The following INTS6 variants were observed in gnomAD, a reference collection of about 807,000 sequenced individuals.
INTS6 encodes the protein DEAD box protein.
In INTS6, 16 loss-of-function variants were observed where a neutral mutation model predicts 104.9. The ratio of observed to expected loss-of-function variants is 0.15; its 90% CI spans 0.10 to 0.23. The LOEUF (loss-of-function observed/expected upper bound fraction) is 0.23. INTS6 is among the 10% of genes least tolerant of loss of function. The pLI, the probability that INTS6 is intolerant of heterozygous loss-of-function variation, is 1.00. For synonymous variants in INTS6, 324 were observed against 358.7 expected (o/e 0.90, Z 1.09); for missense variants, 584 against 1,062.8 (o/e 0.55, Z 6.26).
Position 51,409,299 on chromosome 13 carries a change from T to G in INTS6, c.430-13816A>C, listed in dbSNP as rs141380190. On this transcript the variant is annotated intron_variant, in intron 4 of 17. Transcript: ENST00000311234. ...ATAATAATAATAATAATAATAATAA[T>G]AATAATAATAATAATAGTATAACTT... Among the ~76,000 whole-genome samples the G allele has an allele frequency of 8.7e-3, 1,275 of 147,218 alleles. 20 individuals carry two copies. The highest frequency in any genetic ancestry group is 0.029 in the African/African-American group (1,179 of 40,578).
At chr13:51,395,552 TAC>T in intron 4 of INTS6, 69 bp from the exon 5 acceptor site, 1 of 1,365,826 alleles carries the variant, frequency 7.3e-7, no homozygotes, top group Non-Finnish European at 9.9e-7. Flanking sequence ...CTACTTTAAT[TAC>T]ACTTACGTTA....
At chr13:51,396,033 G>A (rs557603918) in intron 4 of INTS6, among the ~76,000 whole-genome samples, 4 of 152,048 alleles carry the variant, frequency 2.6e-5, no homozygotes, top group African/African-American at 9.6e-5. Flanking sequence ...CCCGATCTCA[G>A]GTGACCCACA....
At chr13:51,393,084 T>G (rs1399393091) in intron 5 of INTS6, among the ~76,000 whole-genome samples, 2 of 151,206 alleles carry the variant, frequency 1.3e-5, no homozygotes, top group Non-Finnish European at 3.0e-5. Flanking sequence ...ATTTTTTTTT[T>G]TTTTTTTTTG....
chr13:51,414,807 A>G (rs1448030709), intron 4 of INTS6, among the ~76,000 whole-genome samples: 1 of 149,070 alleles, frequency 6.7e-6, no homozygotes, highest in African/African-American at 2.5e-5. Flanking sequence ...TCTTCCTTCT[A>G]TATATGTATG....
the INTS6 span, chr13:51,341,150 G>C: frequency 6.2e-7 from 1 of 1,613,950 alleles, no homozygotes; most frequent in Non-Finnish European, 8.5e-7. Flanking sequence ...CGAGCAAATG[G>C]CCACCTCCGT....
intron 12 of INTS6, among the ~76,000 whole-genome samples, chr13:51,377,560 T>C (rs1169114292): frequency 1.3e-5 from 2 of 152,088 alleles, no homozygotes; most frequent in African/African-American, 4.8e-5. Context: ...ATTGTTCCAT[T>C]TGTTTAAAAG....
intron 3 of INTS6, 94 bp downstream of exon 3, chr13:51,450,931 T>C: frequency 7.2e-7 from 1 of 1,379,730 alleles, no homozygotes; most frequent in South Asian, 2.1e-5. Context: ...GAATGTTTTA[T>C]ACTTGCATTT....
At position 51,452,622 on chromosome 13, in the gene INTS6, G is replaced by A; in HGVS notation, c.-97C>T. On this transcript the variant is annotated 5_prime_UTR_variant, in exon 1 of 18. Coordinates refer to ENST00000311234, the MANE Select transcript of INTS6 (RefSeq NM_012141.3). This position sits in a 1 kb window ranked among gnomAD's most constrained non-coding sequence, Gnocchi z 4.2. Reference sequence around the variant, plus strand: ...GCGGCGACCGCCGCTACGCGGGGCGGGGGAGCACGGCCCCCGGGAGGAAAA... The same window carrying A: ...GCGGCGACCGCCGCTACGCGGGGCGAGGGAGCACGGCCCCCGGGAGGAAAA... 1 of 1,534,538 alleles carries A rather than the reference G, an allele frequency of 6.5e-7. No homozygotes were observed. The highest frequency in any genetic ancestry group is 8.8e-7 in the Non-Finnish European group (1 of 1,138,888).
At chr13:51,377,854 G>A (rs1955964584) in intron 12 of INTS6, among the ~76,000 whole-genome samples, 1 of 152,092 alleles carries the variant, frequency 6.6e-6, no homozygotes, top group Non-Finnish European at 1.5e-5. Flanking sequence ...CAAAAAGGCT[G>A]CTGGGATAAA....
At chr13:51,431,504 A>G (rs1266544125) in intron 3 of INTS6, among the ~76,000 whole-genome samples, 3 of 152,250 alleles carry the variant, frequency 2.0e-5, no homozygotes, top group African/African-American at 7.2e-5. Flanking sequence ...AATGTAGAAG[A>G]GTTATAAACA....
Position 51,452,598 on chromosome 13 carries a change from C to G in INTS6, c.-73G>C. 6.5e-7 allele frequency: 1 copy of G among 1,545,226 alleles called. No individual in the cohort carries two copies. The highest frequency in any genetic ancestry group is 2.4e-5 in the East Asian group (1 of 41,028). On this transcript the variant is annotated 5_prime_UTR_variant, in exon 1 of 18. Transcript: ENST00000311234. This position sits in a 1 kb window ranked among gnomAD's most constrained non-coding sequence, Gnocchi z 4.2. Reference sequence around the variant, plus strand: ...ATGGTAGAGGTGGAGGCGCCGGTGGCGGCGACCGCCGCTACGCGGGGCGGG... The same window carrying G: ...ATGGTAGAGGTGGAGGCGCCGGTGGGGGCGACCGCCGCTACGCGGGGCGGG...
intron 4 of INTS6, among the ~76,000 whole-genome samples, chr13:51,409,134 T>C (rs893038152): frequency 6.6e-6 from 1 of 151,936 alleles, no homozygotes; most frequent in Non-Finnish European, 1.5e-5. Flanking sequence ...TGCTTAATGA[T>C]CTTGACCTTT....
chr13:51,439,108 TC>T (rs1199817055), intron 3 of INTS6: 1 of 152,248 alleles, frequency 6.6e-6, no homozygotes, highest in Non-Finnish European at 1.5e-5. Flanking sequence ...ATCAACTCTG[TC>T]ATTTCCTAGC....
At chr13:51,341,111 C>T in the INTS6 span, 17 of 1,613,974 alleles carry the variant, frequency 1.1e-5, no homozygotes, top group Middle Eastern at 1.6e-4. Context: ...TTCCTGATCA[C>T]CCTCTTCCTC....
At chr13:51,391,695 A>C (rs1166755990) in intron 5 of INTS6, among the ~76,000 whole-genome samples, 1 of 152,214 alleles carries the variant, frequency 6.6e-6, no homozygotes, top group Non-Finnish European at 1.5e-5. Context: ...AAAAAAGTCA[A>C]ACTAAATATA....
At chr13:51,394,484 C>A (rs1956300030) in intron 5 of INTS6, among the ~76,000 whole-genome samples, 1 of 152,074 alleles carries the variant, frequency 6.6e-6, no homozygotes, top group Non-Finnish European at 1.5e-5. Context: ...CTCATTAGCG[C>A]ACCAACTGTG....
At position 51,378,383 on chromosome 13, in the gene INTS6, G is replaced by C; in HGVS notation, c.1458C>G (p.Val486=). 6.2e-7 allele frequency: 1 copy of C among 1,613,446 alleles called. No individual in the cohort carries two copies. The highest frequency in any genetic ancestry group is 1.3e-5 in the African/African-American group (1 of 75,000). ...KKVVQETGIK[V]RSRSHGLSMA... ...TTGATAAACCATGTGATCGGCTCCGGACTTTTATTCCAGTCTCCTGTACTA... is the reference window on the plus strand; with the variant it reads ...TTGATAAACCATGTGATCGGCTCCGCACTTTTATTCCAGTCTCCTGTACTA... Residue 486 remains valine (V), a synonymous_variant, in exon 12 of 18, where the codon GTC becomes GTG. Coordinates refer to ENST00000311234, the MANE Select transcript of INTS6 (RefSeq NM_012141.3).
At position 51,364,859 on chromosome 13, in the gene INTS6, T is replaced by C. The variant is rs1338093684; in HGVS notation, c.*893A>G. The C allele has an allele frequency of 3.9e-5, 6 of 152,186 alleles. No individual in the cohort carries two copies. Among genetic ancestry groups the C allele is most frequent in the African/African-American group, 1.4e-4 (6 of 41,424 alleles). 9.4% of individuals were successfully genotyped at this position (152,186 alleles called of 1,614,324 possible). A position where few individuals can be genotyped will look rare whatever the true frequency, so the allele number is the denominator to read the frequency against. On this transcript the variant is annotated 3_prime_UTR_variant, in exon 18 of 18. Transcript: ENST00000311234. Reference sequence around the variant, plus strand: ...TCCAAACCTACCACTCCCTAACAGCTTCAGCTTCGTGCCATCCACAATCCT... The same window carrying C: ...TCCAAACCTACCACTCCCTAACAGCCTCAGCTTCGTGCCATCCACAATCCT...
intron 3 of INTS6, chr13:51,449,676 C>T (rs1237226707): frequency 1.0e-6 from 1 of 984,974 alleles, no homozygotes; most frequent in Admixed American, 6.2e-5. Context: ...AGGATGAAAA[C>T]CTTAAGCAGT....
Sources: allele counts gnomAD v4.1 joint callset (sites outside exome capture counted in the v4.1 genomes callset), GRCh38; gene constraint gnomAD v4.1.1; non-coding constraint Gnocchi (gnomAD v3.1); transcripts MANE v1.5; gene names NCBI Gene and HGNC (gene_info 2026-07-23, HGNC 2026-07-21).